The following DPP10 variants were observed in gnomAD, a reference collection of about 807,000 sequenced individuals.
The protein encoded by DPP10 is dipeptidyl peptidase like 10, also known as inactive dipeptidyl peptidase 10.
A neutral mutation model predicts 120.9 loss-of-function variants in DPP10; 33 were observed. The ratio of observed to expected loss-of-function variants is 0.27; its 90% CI spans 0.21 to 0.37. The LOEUF (loss-of-function observed/expected upper bound fraction) is 0.37, where lower values mean the gene tolerates loss of function less well. DPP10 is among the 10% of genes least tolerant of loss of function. The probability of loss-of-function intolerance (pLI) is 1.00; values close to 1 mark genes in which losing one functional copy is unlikely to be tolerated. For missense variants in DPP10, 816 were observed against 942.8 expected (o/e 0.87, Z 1.76); for synonymous variants, 337 against 326.1 (o/e 1.03, Z -0.36).
At chr2:115,437,336 A>C (rs1460361502) in intron 3 of DPP10, among the ~76,000 whole-genome samples, 1 of 152,020 alleles carries the variant, frequency 6.6e-6, no homozygotes, top group African/African-American at 2.4e-5. Context: ...TTAGAGAAGA[A>C]ATATATTTGC....
chr2:115,458,591 A>C (rs1200234263), intron 3 of DPP10, among the ~76,000 whole-genome samples: 2 of 152,058 alleles, frequency 1.3e-5, no homozygotes, highest in African/African-American at 2.4e-5. Context: ...CTTTTACCTG[A>C]TATGTTTTAG....
At chr2:114,877,880 G>C (rs914088498) in intron 1 of DPP10, among the ~76,000 whole-genome samples, 11 of 151,938 alleles carry the variant, frequency 7.2e-5, no homozygotes, top group Admixed American at 7.2e-4. Flanking sequence ...GATGCTAGCA[G>C]CAGTGACCAA....
chr2:115,790,150 G>A (rs1683795063), intron 17 of DPP10, among the ~76,000 whole-genome samples: 1 of 150,676 alleles, frequency 6.6e-6, no homozygotes, highest in Non-Finnish European at 1.5e-5. Flanking sequence ...CGCAATCTCG[G>A]CTCACTGCAA....
chr2:115,534,509 A>G (rs1271908351), intron 5 of DPP10, among the ~76,000 whole-genome samples: 1 of 151,834 alleles, frequency 6.6e-6, no homozygotes, highest in Non-Finnish European at 1.5e-5. Context: ...CCAGTCTATC[A>G]TTGTTGGACA....
intron 3 of DPP10, among the ~76,000 whole-genome samples, chr2:115,406,703 T>C (rs898572757): frequency 6.6e-6 from 1 of 152,026 alleles, no homozygotes; most frequent in Non-Finnish European, 1.5e-5. Flanking sequence ...TAAAGAGGGA[T>C]CTTTTAATTA....
intron 5 of DPP10, among the ~76,000 whole-genome samples, chr2:115,653,306 T>TA (rs1319207263): frequency 1.3e-5 from 2 of 151,866 alleles, no homozygotes; most frequent in African/African-American, 2.4e-5. Context: ...TAAAAAAGAA[T>TA]AAAAAATTAT....
intron 5 of DPP10, among the ~76,000 whole-genome samples, chr2:115,616,174 A>C (rs2084479376): frequency 6.6e-6 from 1 of 152,202 alleles, no homozygotes; most frequent in Non-Finnish European, 1.5e-5. Flanking sequence ...ACAACAGTGT[A>C]TACTATTGTA....
At chr2:115,279,333 G>T (rs2105861958) in intron 1 of DPP10, among the ~76,000 whole-genome samples, 1 of 152,198 alleles carries the variant, frequency 6.6e-6, no homozygotes, top group Admixed American at 6.5e-5. Flanking sequence ...ATGTGGAATG[G>T]ACAGGGAGAG....
chr2:115,786,378 A>G (rs557081720), intron 17 of DPP10, among the ~76,000 whole-genome samples: 2 of 152,274 alleles, frequency 1.3e-5, no homozygotes, highest in East Asian at 1.9e-4. Flanking sequence ...TTGGATTATA[A>G]CTCTTATGTT....
intron 19 of DPP10, among the ~76,000 whole-genome samples, chr2:115,792,552 A>T (rs1466732442): frequency 1.3e-5 from 2 of 152,082 alleles, no homozygotes; most frequent in Non-Finnish European, 2.9e-5. Context: ...CCTTGTCCCT[A>T]AAAGCCAGAA....
chr2:114,746,142 A>G (rs551392341), intron 1 of DPP10, among the ~76,000 whole-genome samples: 16 of 152,318 alleles, frequency 1.1e-4, no homozygotes, highest in African/African-American at 3.6e-4. Context: ...CCAGAAAAGA[A>G]TTACACAGCT....
At chr2:114,975,281 T>A (rs1300912540) in intron 1 of DPP10, among the ~76,000 whole-genome samples, 1 of 151,984 alleles carries the variant, frequency 6.6e-6, no homozygotes, top group African/African-American at 2.4e-5. Flanking sequence ...CTTGACCTCA[T>A]GATCCACTCA....
intron 1 of DPP10, among the ~76,000 whole-genome samples, chr2:115,278,150 A>G (rs2059994041): frequency 1.3e-5 from 2 of 152,196 alleles, no homozygotes; most frequent in African/African-American, 4.8e-5. Flanking sequence ...CTGTGTGTCC[A>G]TGAGGAAATA....
At chr2:114,863,643 T>C (rs1160712063) in intron 1 of DPP10, among the ~76,000 whole-genome samples, 3 of 152,258 alleles carry the variant, frequency 2.0e-5, no homozygotes, top group African/African-American at 7.2e-5. Context: ...TTTCATGGAC[T>C]TCTTCATGTG....
intron 12 of DPP10, among the ~76,000 whole-genome samples, chr2:115,765,255 A>C (rs1404063051): frequency 6.6e-6 from 1 of 152,146 alleles, no homozygotes; most frequent in African/African-American, 2.4e-5. Context: ...GAATGCTTAT[A>C]TATCTGTATA....
At position 115,750,346 on chromosome 2, in the gene DPP10, C is replaced by G. The variant is rs190394752; in HGVS notation, c.951-2828C>G. Among the ~76,000 whole-genome samples the G allele has an allele frequency of 7.1e-3, 1,088 of 152,270 alleles. 14 individuals carry two copies. The highest frequency in any genetic ancestry group is 0.025 in the African/African-American group (1,045 of 41,554). ...GAAGTGATTGAGTTAATAGATATATCTTTCCTCCCTGCCTATGTGTCAAGC... is the reference window on the plus strand; with the variant it reads ...GAAGTGATTGAGTTAATAGATATATGTTTCCTCCCTGCCTATGTGTCAAGC... On this transcript the variant is annotated intron_variant, in intron 10 of 25. Coordinates refer to ENST00000410059, the MANE Select transcript of DPP10 (RefSeq NM_020868.6).
chr2:115,247,829 C>T (rs2058599483), intron 1 of DPP10, among the ~76,000 whole-genome samples: 1 of 152,116 alleles, frequency 6.6e-6, no homozygotes, highest in South Asian at 2.1e-4. Flanking sequence ...CATGCAAAGA[C>T]AACACAACAA....
At chr2:114,786,804 C>G (rs1050884659) in intron 1 of DPP10, among the ~76,000 whole-genome samples, 6 of 152,114 alleles carry the variant, frequency 3.9e-5, no homozygotes, top group African/African-American at 1.4e-4. Flanking sequence ...GTCAAAAAAG[C>G]CACCTGGGCC....
chr2:114,697,322 A>T (rs112617374), intron 1 of DPP10, among the ~76,000 whole-genome samples: 1,727 of 152,188 alleles, frequency 0.011, 10 homozygotes, highest in Middle Eastern at 0.034. Context: ...GGGAAAGGAA[A>T]TTTAATGCAT....
Sources: gnomAD v4.1 joint callset for allele counts (sites outside exome capture counted in the v4.1 genomes callset) on GRCh38, gnomAD v4.1.1 for gene constraint, MANE v1.5 for transcripts, NCBI Gene and HGNC (gene_info 2026-07-23, HGNC 2026-07-21) for gene names.